The following GREB1 variants were observed in gnomAD, a reference collection of about 807,000 sequenced individuals.
GREB1 encodes the protein growth regulating estrogen receptor binding 1.
In GREB1, 106 loss-of-function variants were observed where a neutral mutation model predicts 200.7. The observed-to-expected ratio is 0.53, with a 90% CI of 0.45 to 0.62. The LOEUF (loss-of-function observed/expected upper bound fraction) is 0.62, where lower values mean the gene tolerates loss of function less well. Among genes scored for constraint, GREB1 ranks in the 20% least tolerant of loss-of-function variants. The pLI is 0.00. For missense variants in GREB1, 2,243 were observed against 2,556.8 expected, an observed-to-expected ratio of 0.88 and a Z score of 2.65; for synonymous variants, 1,132 against 1,092.4, an observed-to-expected ratio of 1.04 and a Z score of -0.72.
At chr2:11,583,633 C>T (rs1477299445) in intron 7 of GREB1, among the ~76,000 whole-genome samples, 1 of 151,984 alleles carries the variant, frequency 6.6e-6, no homozygotes, top group South Asian at 2.1e-4. Flanking sequence ...GCTGAGCAGG[C>T]GGATCACCTG....
At chr2:11,619,728 T>G (rs2148363423) in intron 22 of GREB1, among the ~76,000 whole-genome samples, 1 of 152,346 alleles carries the variant, frequency 6.6e-6, no homozygotes, top group African/African-American at 2.4e-5. Flanking sequence ...TTTCTCTTAT[T>G]TGTTTTTCCT....
Position 11,618,528 on chromosome 2 carries a change from C to A in GREB1, c.3653C>A (p.Ser1218Ter). The change falls in exon 22 of 33, where the codon TCG becomes TAG. Residue 1218 changes from serine (S) to a stop codon, truncating the protein, a stop_gained. Coordinates refer to ENST00000381486, the MANE Select transcript of GREB1 (RefSeq NM_014668.4). LOFTEE classifies it high-confidence loss of function. ...AGCGTCCAGGTGTCGGTCACCTCGT[C>A]GTGCTCCCAGCTGTCCTCCTCCTCG... is the stretch of plus-strand genomic sequence containing the variant. ...QRSVQVSVTS[S>*]CSQLSSSSGS... 1 of 1,612,378 alleles carries A rather than the reference C, an allele frequency of 6.2e-7. No individual in the cohort carries two copies. Among genetic ancestry groups the A allele is most frequent in the Non-Finnish European group, 8.5e-7 (1 of 1,179,728 alleles).
intron 1 of GREB1, among the ~76,000 whole-genome samples, chr2:11,484,999 C>T (rs1226821251): frequency 2.6e-5 from 4 of 152,136 alleles, no homozygotes; most frequent in Non-Finnish European, 2.9e-5. Context: ...GCCACGGCGC[C>T]CGGTTATTTT....
At chr2:11,621,765 G>A (rs1408670830) in intron 23 of GREB1, among the ~76,000 whole-genome samples, 1 of 152,172 alleles carries the variant, frequency 6.6e-6, no homozygotes, top group African/African-American at 2.4e-5. Flanking sequence ...TTGTGCTTCA[G>A]TTTTGACTTG....
At chr2:11,588,037 G>A in intron 9 of GREB1, 2 of 728,262 alleles carry the variant, frequency 2.7e-6, no homozygotes, top group Non-Finnish European at 3.4e-6. Context: ...ATCAGCCTGG[G>A]CAACATGGTG....
In GREB1 at chr2:11,592,807, G is replaced by A; in HGVS notation, c.1377G>A (p.Leu459=). ...AADQVPLMED[L]EQIFLRSWRE... ...ACCAGGTGCCCTTGATGGAGGACCT[G>A]GAGCAGATCTTCCTGCGCTCTTGGC... Residue 459 remains leucine (L), a synonymous_variant, in exon 11 of 33, where the codon CTG becomes CTA. Coordinates refer to ENST00000381486, the MANE Select transcript of GREB1 (RefSeq NM_014668.4). The A allele has an allele frequency of 1.3e-6, 2 of 1,565,424 alleles. No homozygotes were observed. The highest frequency in any genetic ancestry group is 1.7e-6 in the Non-Finnish European group (2 of 1,162,908).
At chr2:11,605,165 T>A (rs1682149400) in intron 17 of GREB1, among the ~76,000 whole-genome samples, 1 of 136,560 alleles carries the variant, frequency 7.3e-6, no homozygotes, top group Non-Finnish European at 1.5e-5. Context: ...TTTTTTTTTT[T>A]TTTTTTTTTT....
At chr2:11,601,063 G>A (rs1482163586) in intron 16 of GREB1, 68 bp downstream of exon 16, 2 of 1,358,146 alleles carry the variant, frequency 1.5e-6, no homozygotes, top group East Asian at 2.3e-5. Flanking sequence ...ATTACATTTA[G>A]TAACAGCCTT....
chr2:11,600,725 T>G (rs1161086575), intron 15 of GREB1, 75 bp from the exon 16 acceptor site: 6 of 1,204,266 alleles, frequency 5.0e-6, no homozygotes, highest in African/African-American at 1.5e-5. Flanking sequence ...AGTTATAAAT[T>G]TATTCAACTG....
At chr2:11,624,883 A>G (rs1423340315) in intron 23 of GREB1, among the ~76,000 whole-genome samples, 1 of 152,108 alleles carries the variant, frequency 6.6e-6, no homozygotes, top group Non-Finnish European at 1.5e-5. Context: ...GCCCAAGACA[A>G]TTCTTCCAAT....
intron 10 of GREB1, among the ~76,000 whole-genome samples, chr2:11,590,495 G>A (rs1431807939): frequency 2.0e-5 from 3 of 152,136 alleles, no homozygotes; most frequent in Non-Finnish European, 4.4e-5. Flanking sequence ...TTCCTTCCCT[G>A]TGGCATGCTC....
intron 1 of GREB1, among the ~76,000 whole-genome samples, chr2:11,551,740 G>T (rs184202371): frequency 1.3e-5 from 2 of 152,040 alleles, no homozygotes; most frequent in Non-Finnish European, 2.9e-5. Flanking sequence ...CGCTCCCACC[G>T]CCGCAGCCCG....
chr2:11,502,931 G>A (rs1373242768), intron 1 of GREB1, among the ~76,000 whole-genome samples: 1 of 152,072 alleles, frequency 6.6e-6, no homozygotes, highest in African/African-American at 2.4e-5. Flanking sequence ...AGGAAGGGGT[G>A]GAATTGAGAT....
chr2:11,616,668 G>C lies in GREB1; in HGVS notation c.3360G>C (p.Glu1120Asp). 4 of 1,613,454 alleles carry C rather than the reference G, an allele frequency of 2.5e-6. No individual in the cohort carries two copies. Among genetic ancestry groups the C allele is most frequent in the Non-Finnish European group, 3.4e-6 (4 of 1,179,342 alleles). The change falls in exon 21 of 33, where the codon GAG becomes GAC. Residue 1120 changes from glutamate to aspartate, a missense_variant. Physicochemically the swap from Glu to Asp is conservative, Grantham distance 45. Transcript: ENST00000381486. Reference protein sequence around the residue: ...TSEKRSPMKRERSRSHDSASS... With the variant: ...TSEKRSPMKRDRSRSHDSASS... ...AGAAGAGAAGCCCCATGAAAAGGGA[G>C]AGGTCCCGCTCCCACGACTCAGCAT...
Position 11,610,797 on chromosome 2 carries a change from G to A in GREB1, c.2776G>A (p.Val926Met). The A allele has an allele frequency of 6.2e-7, 1 of 1,613,562 alleles. No individual in the cohort carries two copies. Among genetic ancestry groups the A allele is most frequent in the Non-Finnish European group, 8.5e-7 (1 of 1,179,996 alleles). Reference protein sequence around the residue: ...GLPQMKNYTSVETLEITQNLL... With the variant: ...GLPQMKNYTSMETLEITQNLL... ...CCCGCAGATGAAGAACTACACGTCG[G>A]TGGAGACGCTGGAGATCACGCAGAA... The change falls in exon 18 of 33, where the codon GTG becomes ATG. Residue 926 changes from valine (V) to methionine (M), a missense_variant. Physicochemically the swap from Val to Met is conservative, Grantham distance 21 (BLOSUM62 1). Coordinates refer to ENST00000381486, the MANE Select transcript of GREB1 (RefSeq NM_014668.4).
chr2:11,587,541 C>G (rs1680246145), intron 9 of GREB1: 7 of 1,545,322 alleles, frequency 4.5e-6, no homozygotes, highest in Non-Finnish European at 5.3e-6. Flanking sequence ...AAGTGTTTGG[C>G]AAGCCCTTGA....
intron 1 of GREB1, among the ~76,000 whole-genome samples, chr2:11,542,265 C>T (rs1210683260): frequency 2.0e-5 from 3 of 152,150 alleles, no homozygotes; most frequent in African/African-American, 4.8e-5. Context: ...ATAGAACAGG[C>T]CAGAAGCTGT....
Position 11,556,632 on chromosome 2 carries a change from T to C in GREB1, c.18T>C (p.Ala6=). MGNSY[A]GQLKTTRFEE... is the part of the protein sequence containing the mutation. ...TCTTGAAGATGGGAAATTCTTACGC[T>C]GGACAGCTGAAGACGACACGCTTTG... is the stretch of plus-strand genomic sequence containing the variant. The change falls in exon 2 of 33, where the codon GCT becomes GCC. Residue 6 remains alanine, a synonymous_variant. Coordinates refer to ENST00000381486, the MANE Select transcript of GREB1 (RefSeq NM_014668.4). 1 of 1,611,926 alleles carries C rather than the reference T, an allele frequency of 6.2e-7. No homozygotes were observed. Among genetic ancestry groups the C allele is most frequent in the Non-Finnish European group, 8.5e-7 (1 of 1,178,966 alleles).
upstream of GREB1, among the ~76,000 whole-genome samples, chr2:11,529,346 C>T (rs1260911565): frequency 4.6e-5 from 7 of 152,168 alleles, no homozygotes; most frequent in African/African-American, 9.7e-5. Context: ...ACCCATAGGA[C>T]GAGATGCTCA....
Sources: allele counts gnomAD v4.1 joint callset (sites outside exome capture counted in the v4.1 genomes callset), GRCh38; gene constraint gnomAD v4.1.1; transcripts MANE v1.5; gene names NCBI Gene and HGNC (gene_info 2026-07-23, HGNC 2026-07-21).